Variants in EGFR observed in about 807,000 individuals in gnomAD.
EGFR encodes avian erythroblastic leukemia viral (v-erb-b) oncogene homolog.
Under a neutral mutation model 143.0 loss-of-function variants are expected in EGFR, and 58 were observed. The observed-to-expected ratio is 0.41, with a 90% CI of 0.33 to 0.50. EGFR has a LOEUF of 0.50. EGFR is among the 20% of genes least tolerant of loss of function. The pLI is 0.39. For missense variants in EGFR, 1,307 were observed against 1,579.0 expected, an observed-to-expected ratio of 0.83 and a Z score of 2.92; for synonymous variants, 613 against 594.4, an observed-to-expected ratio of 1.03 and a Z score of -0.45.
chr7:55,152,292 A>G (rs1175253094), intron 5 of EGFR: 1 of 677,016 alleles, frequency 1.5e-6, no homozygotes, highest in Non-Finnish European at 2.7e-6. Flanking sequence ...ATTGCCCAAG[A>G]TGCATCTAAT....
At position 55,080,280 on chromosome 7, in the gene EGFR, C is replaced by G. The variant is rs187365434; in HGVS notation, c.88+60915C>G. 7.9e-5 allele frequency among the ~76,000 whole-genome samples: 12 copies of G among 151,790 alleles called. No homozygotes were observed. The South Asian group carries it at 8.3e-4, about 11-fold the overall frequency. Reference sequence around the variant, plus strand: ...GTCAAGACTTAATAGTTATAATAATCAGGAGCTTTTGTTTCTTTTTGTTTT... The same window carrying G: ...GTCAAGACTTAATAGTTATAATAATGAGGAGCTTTTGTTTCTTTTTGTTTT... On this transcript the variant is annotated intron_variant, in intron 1 of 27. Coordinates refer to ENST00000275493, the MANE Select transcript of EGFR (RefSeq NM_005228.5).
chr7:55,194,695 T>C (rs1787546071), intron 22 of EGFR, among the ~76,000 whole-genome samples: 1 of 152,122 alleles, frequency 6.6e-6, no homozygotes. Flanking sequence ...ATGCCCACAC[T>C]CCATGCACAA....
At chr7:55,204,024 G>A (rs143958001) in intron 27 of EGFR, among the ~76,000 whole-genome samples, 1 of 151,158 alleles carries the variant, frequency 6.6e-6, no homozygotes, top group African/African-American at 2.4e-5. Context: ...ATATATGTTA[G>A]TGTAATATCT....
At chr7:55,130,153 A>T (rs1477734753) in intron 1 of EGFR, among the ~76,000 whole-genome samples, 1 of 152,154 alleles carries the variant, frequency 6.6e-6, no homozygotes, top group South Asian at 2.1e-4. Flanking sequence ...CTTCAGGCTC[A>T]TGCTTCACTA....
chr7:55,158,729 G>T (rs917437625), intron 11 of EGFR, among the ~76,000 whole-genome samples: 1 of 152,200 alleles, frequency 6.6e-6, no homozygotes, highest in Non-Finnish European at 1.5e-5. Context: ...AGACAGGGTG[G>T]CCACACGTTC....
intron 1 of EGFR, among the ~76,000 whole-genome samples, chr7:55,099,735 C>T (rs891614143): frequency 6.6e-6 from 1 of 152,130 alleles, no homozygotes; most frequent in Non-Finnish European, 1.5e-5. Flanking sequence ...TGGGCACCCC[C>T]TTCTAGGATC....
rs947366471 is a variant in EGFR at position 55,166,244 on chromosome 7, T to G, written c.1880+807T>G. On this transcript the variant is annotated intron_variant, in intron 15 of 27. Transcript: ENST00000275493. ...CTTATTTACTGGAATAATAAAGCTG[T>G]CAATCAAACTGGATCCCACTCAACA... is the stretch of plus-strand genomic sequence containing the variant. 4 of 553,876 alleles carry G rather than the reference T, an allele frequency of 7.2e-6. No individual in the cohort carries two copies. The East Asian group carries it at 1.4e-4, about 20-fold the overall frequency. The allele number at this position is 553,876 out of a possible 1,614,324, so 34.3% of individuals were successfully genotyped here. A position where few individuals can be genotyped will look rare whatever the true frequency, so the allele number is the denominator to read the frequency against.
chr7:55,129,458 G>A (rs1793711129), intron 1 of EGFR, among the ~76,000 whole-genome samples: 1 of 152,192 alleles, frequency 6.6e-6, no homozygotes, highest in African/African-American at 2.4e-5. Flanking sequence ...TATGTGATAG[G>A]GTTGTCAATA....
intron 25 of EGFR, among the ~76,000 whole-genome samples, 157 bp from the exon 26 acceptor site, chr7:55,201,578 A>G (rs2128972219): frequency 6.6e-6 from 1 of 152,340 alleles, no homozygotes; most frequent in Middle Eastern, 3.4e-3. Flanking sequence ...ATGTAATTAA[A>G]TCAAAACTAA....
chr7:55,205,860 C>T lies in EGFR; in HGVS notation c.*243C>T. The T allele has an allele frequency of 1.7e-6, 1 of 576,042 alleles. No individual in the cohort carries two copies. The highest frequency in any genetic ancestry group is 3.1e-6 in the Non-Finnish European group (1 of 326,378). 35.7% of individuals were successfully genotyped at this position (576,042 alleles called of 1,614,324 possible). A position where few individuals can be genotyped will look rare whatever the true frequency, so the allele number is the denominator to read the frequency against. On this transcript the variant is annotated 3_prime_UTR_variant, in exon 28 of 28. Coordinates refer to ENST00000275493, the MANE Select transcript of EGFR (RefSeq NM_005228.5). ...AAACGCATCCAGCAAGAATATTGTC[C>T]CTTTGAGCAGAAATTTATCTTTCAA...
Position 55,175,086 on chromosome 7 carries a change from T to C in EGFR, c.2283+266T>C, listed in dbSNP as rs1490915881. ...CCCAGCACTAGTTTCTTGACACGCA[T>C]GATGAGTGAGTGCTCTTGGTGAGCC... On this transcript the variant is annotated intron_variant, in intron 19 of 27. Transcript: ENST00000275493. 3.3e-5 allele frequency among the ~76,000 whole-genome samples: 5 copies of C among 152,354 alleles called. 1 individual carries two copies. The Middle Eastern group carries it at 0.01, about 311-fold the overall frequency.
At chr7:55,190,871 G>T (rs17337289) in intron 20 of EGFR, among the ~76,000 whole-genome samples, 7,431 of 152,240 alleles carry the variant, frequency 0.049, 561 homozygotes, top group African/African-American at 0.17. Flanking sequence ...GCCATTCTTA[G>T]GCCAAAGCCT....
At chr7:55,072,310 G>A (rs1196296923) in intron 1 of EGFR, among the ~76,000 whole-genome samples, 1 of 152,198 alleles carries the variant, frequency 6.6e-6, no homozygotes, top group Non-Finnish European at 1.5e-5. Flanking sequence ...AGCTCTATTT[G>A]TGGCATTATA....
chr7:55,049,143 T>A (rs568475180), intron 1 of EGFR, among the ~76,000 whole-genome samples: 4 of 152,372 alleles, frequency 2.6e-5, no homozygotes, highest in African/African-American at 9.6e-5. Flanking sequence ...CAGGATTTTT[T>A]ATACTCAAAT....
In EGFR at chr7:55,146,732, T is replaced by C. The variant is rs921852102; in HGVS notation, c.551T>C (p.Leu184Pro). The C allele has an allele frequency of 1.2e-6, 2 of 1,614,076 alleles. No homozygotes were observed. Among genetic ancestry groups the C allele is most frequent in the African/African-American group, 2.7e-5 (2 of 74,936 alleles). ...ATGTCGATGGACTTCCAGAACCACC[T>C]GGGCAGCTGTAAGTGTCGCATACAC... ...SNMSMDFQNH[L>P]GSCQKCDPSC... Residue 184 changes from leucine (L) to proline (P), a missense_variant, in exon 4 of 28, where the codon CTG (leucine) becomes CCG (proline). Around this residue, in one of 7 missense-constraint regions of EGFR, gnomAD observed 311 missense variants for 412.3 expected, o/e 0.75. Coordinates refer to ENST00000275493, the MANE Select transcript of EGFR (RefSeq NM_005228.5).
At chr7:55,177,868 T>C (rs1017667919) in intron 19 of EGFR, among the ~76,000 whole-genome samples, 3 of 152,248 alleles carry the variant, frequency 2.0e-5, no homozygotes, top group African/African-American at 7.2e-5. Flanking sequence ...GCACGTTTAC[T>C]ACTTCCAAGA....
At chr7:55,184,271 G>A (rs1235754512) in intron 20 of EGFR, among the ~76,000 whole-genome samples, 1 of 152,162 alleles carries the variant, frequency 6.6e-6, no homozygotes, top group Admixed American at 6.5e-5. Flanking sequence ...GCTGACCTAG[G>A]TTGGAGCAGC....
chr7:55,027,992 ATATAT>A lies in EGFR; in HGVS notation c.88+8628_88+8632del, dbSNP rs1284009612. On this transcript the variant is annotated intron_variant, in intron 1 of 27. Transcript: ENST00000275493. ...CCTTTATGTAAAAAAAAAAAAAAAA[ATATAT>A]ATATATATATATATATATATATATA... Among the ~76,000 whole-genome samples the A allele has an allele frequency of 8.7e-4, 39 of 44,690 alleles. No homozygotes were observed. In the East Asian group the frequency reaches 0.039, roughly 45 times the overall value. 29.3% of individuals were successfully genotyped at this position (44,690 alleles called of 152,430 possible).
At chr7:55,134,198 C>T (rs1794008678) in intron 1 of EGFR, among the ~76,000 whole-genome samples, 1 of 152,278 alleles carries the variant, frequency 6.6e-6, no homozygotes, top group African/African-American at 2.4e-5. Context: ...GCGAGGCCCA[C>T]CCCAGCCACA....
Sources: gnomAD v4.1 joint callset for allele counts (sites outside exome capture counted in the v4.1 genomes callset) on GRCh38, gnomAD v4.1.1 for gene constraint, gnomAD v4.1.1 regional missense constraint, MANE v1.5 for transcripts, NCBI Gene and HGNC (gene_info 2026-07-23, HGNC 2026-07-21) for gene names.